The following CDC42BPA variants were observed in gnomAD, a reference collection of about 807,000 sequenced individuals.
CDC42BPA encodes the protein CDC42 binding protein kinase alpha.
In CDC42BPA, 80 loss-of-function variants were observed where a neutral mutation model predicts 223.5. The observed-to-expected ratio is 0.36, with a 90% CI of 0.30 to 0.43. The LOEUF (loss-of-function observed/expected upper bound fraction) is 0.43, where lower values mean the gene tolerates loss of function less well. Among genes scored for constraint, CDC42BPA ranks in the 20% least tolerant of loss-of-function variants. CDC42BPA has a pLI of 1.00. For missense variants in CDC42BPA, 1,743 were observed against 2,099.9 expected (o/e 0.83, Z 3.32); for synonymous variants, 694 against 718.6 (o/e 0.97, Z 0.55).
intron 1 of CDC42BPA, among the ~76,000 whole-genome samples, chr1:227,280,258 G>A (rs529932599): frequency 6.6e-6 from 1 of 152,306 alleles, no homozygotes; most frequent in South Asian, 2.1e-4. Context: ...TGGTTTGTAA[G>A]CTAGTGAAAT....
At chr1:227,173,650 A>G (rs1440656349) in intron 5 of CDC42BPA, among the ~76,000 whole-genome samples, 2 of 152,126 alleles carry the variant, frequency 1.3e-5, no homozygotes, top group African/African-American at 2.4e-5. Context: ...GCACTATCAT[A>G]TATGTATGCT....
intron 1 of CDC42BPA, among the ~76,000 whole-genome samples, chr1:227,299,445 GGTTTACAT>G (rs1010504772): frequency 1.3e-5 from 2 of 151,864 alleles, no homozygotes; most frequent in Admixed American, 6.6e-5. Flanking sequence ...TAAATGGAAT[GGTTTACAT>G]GTTTTTTAGT....
chr1:227,061,856 C>A (rs1675978528), intron 21 of CDC42BPA, among the ~76,000 whole-genome samples: 1 of 152,194 alleles, frequency 6.6e-6, no homozygotes, highest in Non-Finnish European at 1.5e-5. Context: ...GGAATCTCAT[C>A]CACTTTCAAC....
rs574387129 is a variant in CDC42BPA, at chr1:227,160,481, A to G, written c.693+62T>C. On this transcript the variant is annotated intron_variant, in intron 6 of 36. Transcript: ENST00000366766. ...AATAGATGGTTTCTAAAACAGATATATCAGACAAATAGCAAGGGAAATGTC... is the reference window on the plus strand; with the variant it reads ...AATAGATGGTTTCTAAAACAGATATGTCAGACAAATAGCAAGGGAAATGTC... The G allele has an allele frequency of 1.2e-5, 13 of 1,040,672 alleles. No individual in the cohort carries two copies. The South Asian group carries it at 1.5e-4, about 12-fold the overall frequency. 64.5% of individuals were successfully genotyped at this position (1,040,672 alleles called of 1,614,324 possible).
Position 227,005,067 on chromosome 1 carries a change from G to C in CDC42BPA, c.4902C>G (p.Val1634=). Residue 1634 remains valine (V), a synonymous_variant, in exon 35 of 37, where the codon GTC becomes GTG. Transcript: ENST00000366766. ...GGGATTTGGTGATAGATGGAATACT[G>C]ACTGAGCCACTGAATACTGTCCGAC... The part of the protein sequence containing the change: ...QESRTVFSGS[V]SIPSITKSRP... 1 of 1,614,182 alleles carries C rather than the reference G, an allele frequency of 6.2e-7. No individual in the cohort carries two copies. Among genetic ancestry groups the C allele is most frequent in the Non-Finnish European group, 8.5e-7 (1 of 1,180,008 alleles).
chr1:227,015,805 C>T (rs1161892221), intron 34 of CDC42BPA, among the ~76,000 whole-genome samples: 1 of 152,176 alleles, frequency 6.6e-6, no homozygotes, highest in Non-Finnish European at 1.5e-5. Context: ...TTGGTAGTTT[C>T]TTCCACCACC....
chr1:227,128,421 T>C (rs1656304747), intron 11 of CDC42BPA, among the ~76,000 whole-genome samples: 1 of 152,206 alleles, frequency 6.6e-6, no homozygotes, highest in East Asian at 1.9e-4. Flanking sequence ...TTCCAACATA[T>C]TGTATCATTT....
At position 227,273,552 on chromosome 1, in the gene CDC42BPA, A is replaced by C. The variant is rs967503613; in HGVS notation, c.179-19397T>G. Among the ~76,000 whole-genome samples, 35 of 151,890 alleles carry C rather than the reference A, an allele frequency of 2.3e-4. 1 individual carries two copies. The highest frequency in any genetic ancestry group is 7.7e-4 in the African/African-American group (32 of 41,506). ...CTCTGTCTCAAAAAAAAAAAAACCA[A>C]CAACAACAACAAAACAACTTTAAAG... On this transcript the variant is annotated intron_variant, in intron 1 of 36. Transcript: ENST00000366766.
intron 4 of CDC42BPA, among the ~76,000 whole-genome samples, chr1:227,194,504 T>C (rs1247746485): frequency 6.6e-6 from 1 of 152,182 alleles, no homozygotes; most frequent in Non-Finnish European, 1.5e-5. Context: ...TGTAAAAATA[T>C]CAGAATGGGC....
chr1:227,112,265 A>G, intron 14 of CDC42BPA, 47 bp downstream of exon 14: 1 of 1,158,754 alleles, frequency 8.6e-7, no homozygotes, highest in Non-Finnish European at 1.3e-6. Context: ...ACAAGCCTAA[A>G]GAGAAGAAAA....
At chr1:227,170,835 A>G (rs140000546) in intron 5 of CDC42BPA, among the ~76,000 whole-genome samples, 6 of 152,312 alleles carry the variant, frequency 3.9e-5, no homozygotes, top group African/African-American at 1.2e-4. Flanking sequence ...ATTCCCTTCT[A>G]CAGGTGTTAA....
At chr1:227,215,886 A>G (rs1356719977) in intron 2 of CDC42BPA, among the ~76,000 whole-genome samples, 1 of 152,236 alleles carries the variant, frequency 6.6e-6, no homozygotes, top group Non-Finnish European at 1.5e-5. Flanking sequence ...TCTATATACA[A>G]ATAAAAACTA....
At chr1:227,156,856 C>A (rs981157661) in intron 6 of CDC42BPA, among the ~76,000 whole-genome samples, 1 of 152,134 alleles carries the variant, frequency 6.6e-6, no homozygotes, top group African/African-American at 2.4e-5. Context: ...GCAGCTCTAT[C>A]CTCTCTGGAA....
chr1:227,146,909 C>T (rs547628795), intron 7 of CDC42BPA, among the ~76,000 whole-genome samples: 2 of 152,204 alleles, frequency 1.3e-5, no homozygotes, highest in South Asian at 4.1e-4. Context: ...TCTTAGAATG[C>T]CCATCTCACT....
At chr1:227,294,826 C>CT (rs1170760786) in intron 1 of CDC42BPA, among the ~76,000 whole-genome samples, 1 of 123,510 alleles carries the variant, frequency 8.1e-6, no homozygotes, top group Non-Finnish European at 1.6e-5. Flanking sequence ...CGCCACTGCA[C>CT]TCCAGCCTGG....
intron 11 of CDC42BPA, among the ~76,000 whole-genome samples, chr1:227,127,183 T>C (rs955370465): frequency 6.6e-6 from 1 of 152,068 alleles, no homozygotes; most frequent in African/African-American, 2.4e-5. Flanking sequence ...GCTCAGAAAA[T>C]GAAATTACTT....
At chr1:227,247,953 A>G (rs1368728206) in intron 2 of CDC42BPA, among the ~76,000 whole-genome samples, 2 of 152,052 alleles carry the variant, frequency 1.3e-5, no homozygotes, top group Non-Finnish European at 2.9e-5. Context: ...AACTCAACTG[A>G]CATGTTAAAG....
intron 5 of CDC42BPA, among the ~76,000 whole-genome samples, chr1:227,163,334 T>G (rs557578949): frequency 3.3e-5 from 5 of 152,284 alleles, no homozygotes; most frequent in Non-Finnish European, 7.4e-5. Flanking sequence ...GAATTTTGAT[T>G]GTTGCCCATT....
At chr1:227,147,917 G>A (rs973333748) in intron 6 of CDC42BPA, among the ~76,000 whole-genome samples, 45 of 150,936 alleles carry the variant, frequency 3.0e-4, no homozygotes, top group African/African-American at 1.0e-3. Flanking sequence ...AAATGAAACC[G>A]TCAAAATTGT....
Sources: allele counts gnomAD v4.1 joint callset (sites outside exome capture counted in the v4.1 genomes callset), GRCh38; gene constraint gnomAD v4.1.1; transcripts MANE v1.5; gene names NCBI Gene and HGNC (gene_info 2026-07-23, HGNC 2026-07-21).